The following GIGYF1 variants were observed in gnomAD, a reference collection of about 807,000 sequenced individuals.
GIGYF1 encodes GRB10 interacting GYF protein 1.
GIGYF1 carries 84 observed loss-of-function variants against 147.1 expected under a neutral mutation model. That is an observed-to-expected ratio of 0.57 (90% confidence interval 0.48 to 0.68). The LOEUF is 0.68. Among genes scored for constraint, GIGYF1 ranks in the 30% least tolerant of loss-of-function variants. GIGYF1 has a pLI of 0.00. For synonymous variants in GIGYF1, 752 were observed against 589.5 expected (o/e 1.28, Z -3.99); for missense variants, 1,485 against 1,393.7 (o/e 1.07, Z -1.04).
intron 1 of GIGYF1, among the ~76,000 whole-genome samples, chr7:100,691,610 G>A (rs2131403430): frequency 6.6e-6 from 1 of 152,000 alleles, no homozygotes; most frequent in South Asian, 2.1e-4. Flanking sequence ...GGTGGCGGGG[G>A]CTGGGGTACT....
chr7:100,684,097 T>C lies in GIGYF1; in HGVS notation c.1791A>G (p.Pro597=), dbSNP rs371552448. Residue 597 remains proline (P), a synonymous_variant, in exon 18 of 27, where the codon CCA becomes CCG. Transcript: ENST00000678049. ...EKAALGDLTP[P]PPPPPQQQQQ... is the part of the protein sequence containing the mutation. Reference sequence around the variant, plus strand: ...GCTGCTGCTGTGGCGGCGGCGGTGGTGGCGGTGTCAGGTCCCCCAGAGCTG... The same window carrying C: ...GCTGCTGCTGTGGCGGCGGCGGTGGCGGCGGTGTCAGGTCCCCCAGAGCTG... 72 of 1,605,478 alleles carry C rather than the reference T, an allele frequency of 4.5e-5. No homozygotes were observed. The highest frequency in any genetic ancestry group is 8.4e-5 in the Admixed American group (5 of 59,818).
At chr7:100,685,580 C>T (rs1805245254) in intron 12 of GIGYF1, 99 bp from the exon 13 acceptor site, 2 of 1,348,108 alleles carry the variant, frequency 1.5e-6, no homozygotes, top group African/African-American at 1.5e-5. Flanking sequence ...GGGTCACACT[C>T]CCTTAGGCCG....
chr7:100,683,292 G>A lies in GIGYF1; in HGVS notation c.2193+12C>T. 1 of 1,613,734 alleles carries A rather than the reference G, an allele frequency of 6.2e-7. No homozygotes were observed. The highest frequency in any genetic ancestry group is 8.5e-7 in the Non-Finnish European group (1 of 1,179,952). On this transcript the variant is annotated intron_variant, in intron 21 of 26. Transcript: ENST00000678049. ...TTGTCCACCCAGCCAGCTGAGGCTT[G>A]GGAGCACCCACGTGCTTGCGCCGAA...
rs191803090 is a variant in GIGYF1, at chr7:100,684,688, C to G, written c.1462+35G>C. On this transcript the variant is annotated intron_variant, in intron 15 of 26. Transcript: ENST00000678049. ...ATGCCAGAGACACCCTGAACCAGAACGGCCTTGAGCAGCCCTCCCATCCCA... is the reference window on the plus strand; with the variant it reads ...ATGCCAGAGACACCCTGAACCAGAAGGGCCTTGAGCAGCCCTCCCATCCCA... 6 of 1,610,634 alleles carry G rather than the reference C, an allele frequency of 3.7e-6. No individual in the cohort carries two copies. In the South Asian group the frequency reaches 6.6e-5, roughly 18 times the overall value.
At chr7:100,685,661 C>T (rs940373001) in intron 12 of GIGYF1, among the ~76,000 whole-genome samples, 180 bp from the exon 13 acceptor site, 1 of 152,216 alleles carries the variant, frequency 6.6e-6, no homozygotes, top group African/African-American at 2.4e-5. Flanking sequence ...CTCGCCTCCA[C>T]GCTGCCAGAC....
rs773878527 is a variant in GIGYF1, at chr7:100,688,249, G to C, written c.-11C>G. ...TGTCTCTGCTGCCATCGTGGGGCTG[G>C]GCGTGTTTGAGAGGCCGGGGGTGGG... On this transcript the variant is annotated 5_prime_UTR_variant, in exon 4 of 27. Coordinates refer to ENST00000678049, the MANE Select transcript of GIGYF1 (RefSeq NM_001375765.1). The C allele has an allele frequency of 6.2e-7, 1 of 1,611,740 alleles. No individual in the cohort carries two copies. Among genetic ancestry groups the C allele is most frequent in the East Asian group, 2.2e-5 (1 of 44,786 alleles).
chr7:100,684,556 A>C lies in GIGYF1; in HGVS notation c.1523T>G (p.Leu508Arg). ...CTCATCGCAGCCCCGCTTCACCAGC[A>C]GTGACATGGAAAAGTAGCCGGCCTG... ...WFQAGYFSMS[L>R]LVKRGCDEGF... is the part of the protein sequence containing the mutation. The change falls in exon 16 of 27, where the codon CTG becomes CGG. Residue 508 changes from leucine to arginine, a missense_variant. Physicochemically the swap from Leu to Arg is moderately radical, Grantham distance 102. Transcript: ENST00000678049. 1 of 1,614,130 alleles carries C rather than the reference A, an allele frequency of 6.2e-7. No homozygotes were observed.
Position 100,680,294 on chromosome 7 carries a change from G to A in GIGYF1, c.*1425C>T, listed in dbSNP as rs1804609706. 2 of 152,626 alleles carry A rather than the reference G, an allele frequency of 1.3e-5. No homozygotes were observed. Among genetic ancestry groups the A allele is most frequent in the South Asian group, 4.1e-4 (2 of 4,832 alleles). 9.5% of individuals were successfully genotyped at this position (152,626 alleles called of 1,614,324 possible). A position where few individuals can be genotyped will look rare whatever the true frequency, so the allele number is the denominator to read the frequency against. On this transcript the variant is annotated 3_prime_UTR_variant, in exon 27 of 27. Coordinates refer to ENST00000678049, the MANE Select transcript of GIGYF1 (RefSeq NM_001375765.1). ...CAGGAGGGAGAAATACATTCATGGA[G>A]GGAGGCAGTGGCGAAGCCTTGCCCT...
At position 100,682,111 on chromosome 7, in the gene GIGYF1, C is replaced by T. The variant is rs1362318171; in HGVS notation, c.2886G>A (p.Arg962=). The T allele has an allele frequency of 1.2e-6, 2 of 1,613,862 alleles. No homozygotes were observed. The highest frequency in any genetic ancestry group is 1.1e-5 in the South Asian group (1 of 91,084). ...KEFAKQFLER[R]AKQKASQQRQ... is the part of the protein sequence containing the mutation. ...GCTGCTGGCTGGCTTTCTGCTTGGC[C>T]CTCCGCTCCAGGAATTGTTTGGCAA... is the stretch of plus-strand genomic sequence containing the variant. Residue 962 remains arginine (R), a synonymous_variant, in exon 25 of 27, where the codon AGG becomes AGA. Coordinates refer to ENST00000678049, the MANE Select transcript of GIGYF1 (RefSeq NM_001375765.1).
chr7:100,685,571 G>A, intron 12 of GIGYF1, 90 bp from the exon 13 acceptor site: 9 of 1,431,798 alleles, frequency 6.3e-6, no homozygotes, highest in Non-Finnish European at 8.6e-6. Flanking sequence ...TGGAACCGCG[G>A]GTCACACTCC....
Position 100,687,484 on chromosome 7 carries a change from GAC to G in GIGYF1, c.373+19_373+20del, listed in dbSNP as rs1805480593. On this transcript the variant is annotated intron_variant, in intron 7 of 26. Transcript: ENST00000678049. ...GGGGCCCAGATCTGCCCGTCCCCAG[GAC>G]ACGCCATCACCCCTCTACCTCGGCT... The G allele has an allele frequency of 1.2e-6, 2 of 1,607,164 alleles. No individual in the cohort carries two copies. Among genetic ancestry groups the G allele is most frequent in the Non-Finnish European group, 1.7e-6 (2 of 1,175,656 alleles).
At position 100,684,709 on chromosome 7, in the gene GIGYF1, TC is replaced by T; in HGVS notation, c.1462+13del. On this transcript the variant is annotated intron_variant, in intron 15 of 26. Transcript: ENST00000678049. ...AGAACGGCCTTGAGCAGCCCTCCCA[TC>T]CCACACAGGTACCTTGGATCTCGCC... is the stretch of plus-strand genomic sequence containing the variant. The T allele has an allele frequency of 6.2e-7, 1 of 1,610,974 alleles. No individual in the cohort carries two copies. The highest frequency in any genetic ancestry group is 8.5e-7 in the Non-Finnish European group (1 of 1,178,074).
chr7:100,688,123 CAG>C lies in GIGYF1; in HGVS notation c.36-15_36-14del, dbSNP rs754751412. The C allele has an allele frequency of 1.9e-6, 3 of 1,605,334 alleles. No individual in the cohort carries two copies. Among genetic ancestry groups the C allele is most frequent in the Non-Finnish European group, 2.6e-6 (3 of 1,174,760 alleles). On this transcript the variant is annotated splice_polypyrimidine_tract_variant and intron_variant, in intron 4 of 26. Transcript: ENST00000678049. Reference sequence around the variant, plus strand: ...CAGGGCCCTGAGCCTGGACACAACACAGAGAGAAGAAGACAGAGGTCAGGGCA... The same window carrying C: ...CAGGGCCCTGAGCCTGGACACAACACAGAGAAGAAGACAGAGGTCAGGGCA...
intron 6 of GIGYF1, 53 bp downstream of exon 6, chr7:100,687,735 C>A: frequency 6.3e-7 from 1 of 1,584,000 alleles, no homozygotes; most frequent in Non-Finnish European, 8.6e-7. Context: ...CTAACCCAAC[C>A]CATGGCCTCC....
At chr7:100,693,231 G>A (rs1036522931) in intron 1 of GIGYF1, among the ~76,000 whole-genome samples, 1 of 152,108 alleles carries the variant, frequency 6.6e-6, no homozygotes, top group Non-Finnish European at 1.5e-5. Context: ...CCGGGAATGC[G>A]AGTAATGACT....
intron 1 of GIGYF1, among the ~76,000 whole-genome samples, chr7:100,693,574 G>T (rs1327117450): frequency 6.6e-6 from 1 of 152,184 alleles, no homozygotes; most frequent in Non-Finnish European, 1.5e-5. Flanking sequence ...GGAACGCTTG[G>T]ACCTGGGGAA....
rs1048213766 is a variant in GIGYF1, at chr7:100,684,061, G to C, written c.1827C>G (p.Leu609=). 2 of 1,606,764 alleles carry C rather than the reference G, an allele frequency of 1.2e-6. No individual in the cohort carries two copies. The highest frequency in any genetic ancestry group is 2.2e-5 in the East Asian group (1 of 44,850). The change falls in exon 18 of 27, where the codon CTC becomes CTG. Residue 609 remains leucine, a synonymous_variant. Transcript: ENST00000678049. Reference sequence around the variant, plus strand: ...CCTGGAGCTGCTGCAGGAATGCCGTGAGCTGCTGCTGCTGCTGCTGTGGCG... The same window carrying C: ...CCTGGAGCTGCTGCAGGAATGCCGTCAGCTGCTGCTGCTGCTGCTGTGGCG... ...PPPPQQQQQQ[L]TAFLQQLQAL...
intron 1 of GIGYF1, among the ~76,000 whole-genome samples, chr7:100,690,166 A>C (rs1805717524): frequency 6.6e-6 from 1 of 152,240 alleles, no homozygotes; most frequent in South Asian, 2.1e-4. Flanking sequence ...AAAAAGCTTT[A>C]GGGAACAAAA....
intron 1 of GIGYF1, among the ~76,000 whole-genome samples, chr7:100,692,802 G>A (rs1805924354): frequency 6.6e-6 from 1 of 152,148 alleles, no homozygotes; most frequent in Admixed American, 6.5e-5. Flanking sequence ...CTTCCCAATG[G>A]CACGACAGAC....
Sources: gnomAD v4.1 joint callset for allele counts (sites outside exome capture counted in the v4.1 genomes callset) on GRCh38, gnomAD v4.1.1 for gene constraint, MANE v1.5 for transcripts, NCBI Gene and HGNC (gene_info 2026-07-23, HGNC 2026-07-21) for gene names.